The following OPCML variants were observed in gnomAD, a reference collection of about 807,000 sequenced individuals.
The protein encoded by OPCML is opioid binding protein/cell adhesion molecule like, also known as opioid-binding protein/cell adhesion molecule.
OPCML carries 13 observed loss-of-function variants against 37.8 expected under a neutral mutation model. That is an observed-to-expected ratio of 0.34 (90% confidence interval 0.22 to 0.55). OPCML has a LOEUF of 0.55. OPCML is among the 20% of genes least tolerant of loss of function. OPCML has a pLI of 0.91. For synonymous variants in OPCML, 176 were observed against 168.8 expected (o/e 1.04, Z -0.33); for missense variants, 341 against 435.6 (o/e 0.78, Z 1.93).
chr11:133,199,406 T>C (rs186619361), intron 1 of OPCML, among the ~76,000 whole-genome samples: 4 of 152,332 alleles, frequency 2.6e-5, no homozygotes, highest in African/African-American at 9.6e-5. Context: ...TTTTTTCTTG[T>C]GATAAGATTC....
At position 132,819,895 on chromosome 11, in the gene OPCML, C is replaced by T. The variant is rs147576335; in HGVS notation, c.146+123031G>A. ...TGTGCTGTTTGTGATGCTCTAGAGT[C>T]AGAATGCGGCAGGGCTTCCTTTAAT... On this transcript the variant is annotated intron_variant, in intron 2 of 7. Transcript: ENST00000524381. 9.3e-3 allele frequency among the ~76,000 whole-genome samples: 1,417 copies of T among 152,278 alleles called. 9 individuals are homozygous for T. Among genetic ancestry groups the T allele is most frequent in the Middle Eastern group, 0.02 (6 of 294 alleles).
At chr11:132,898,048 A>G (rs1030584159) in intron 2 of OPCML, among the ~76,000 whole-genome samples, 2 of 152,166 alleles carry the variant, frequency 1.3e-5, no homozygotes, top group Non-Finnish European at 2.9e-5. Context: ...CTCAGGAACA[A>G]AGTGGCTATG....
At chr11:133,252,853 A>G (rs901274234) in intron 1 of OPCML, among the ~76,000 whole-genome samples, 1 of 152,182 alleles carries the variant, frequency 6.6e-6, no homozygotes, top group Non-Finnish European at 1.5e-5. Flanking sequence ...CTACTATAGA[A>G]ATAGTCTTCT....
chr11:133,381,642 G>A (rs1174495407), intron 1 of OPCML, among the ~76,000 whole-genome samples: 1 of 152,154 alleles, frequency 6.6e-6, no homozygotes, highest in Non-Finnish European at 1.5e-5. Context: ...AGGGGATTGG[G>A]GGTCTGATGT....
intron 1 of OPCML, among the ~76,000 whole-genome samples, chr11:133,446,253 T>C (rs1946472074): frequency 6.6e-6 from 1 of 152,156 alleles, no homozygotes; most frequent in South Asian, 2.1e-4. Context: ...TTAGTTGAAA[T>C]AGCAATGGAT....
chr11:133,495,061 A>G (rs1947752010), intron 1 of OPCML, among the ~76,000 whole-genome samples: 1 of 151,640 alleles, frequency 6.6e-6, no homozygotes, highest in Non-Finnish European at 1.5e-5. Context: ...GCCCCCTGCC[A>G]CTCTTTCCCC....
chr11:133,212,764 C>T lies in OPCML; in HGVS notation c.62-269754G>A, dbSNP rs533348441. 1.3e-5 allele frequency among the ~76,000 whole-genome samples: 2 copies of T among 152,152 alleles called. No homozygotes were observed. Among genetic ancestry groups the T allele is most frequent in the African/African-American group, 4.8e-5 (2 of 41,418 alleles). On this transcript the variant is annotated intron_variant, in intron 1 of 7. Coordinates refer to ENST00000524381, the MANE Select transcript of OPCML (RefSeq NM_001012393.5). This position sits in a 1 kb window ranked among gnomAD's most constrained non-coding sequence, Gnocchi z 4.9. ...TGTTTGAATGAATGAAGGGATTTCC[C>T]AGCAGCTTTCAGACCCCTTGGGACC... is the stretch of plus-strand genomic sequence containing the variant.
rs547295037 is a variant in OPCML at position 133,022,590 on chromosome 11, C to T, written c.62-79580G>A. Among the ~76,000 whole-genome samples, 72 of 151,908 alleles carry T rather than the reference C, an allele frequency of 4.7e-4. 1 individual carries two copies. The South Asian group carries it at 0.014, about 29-fold the overall frequency. On this transcript the variant is annotated intron_variant, in intron 1 of 7. Coordinates refer to ENST00000524381, the MANE Select transcript of OPCML (RefSeq NM_001012393.5). ...GTCTGCACATATGTACTCATTCCAA[C>T]GCATTTTTTAATATCTGTAATGTGC...
chr11:133,473,911 T>A (rs1416291966), intron 1 of OPCML, among the ~76,000 whole-genome samples: 1 of 152,246 alleles, frequency 6.6e-6, no homozygotes, highest in African/African-American at 2.4e-5. Flanking sequence ...CATAATATTT[T>A]ACAGAGTAAC....
intron 1 of OPCML, among the ~76,000 whole-genome samples, chr11:133,438,012 A>G (rs1313825446): frequency 6.6e-6 from 1 of 152,212 alleles, no homozygotes; most frequent in Admixed American, 6.5e-5. Context: ...AATAAAAAAC[A>G]AAACCAAGTA....
chr11:132,953,309 G>A (rs1945903297), intron 1 of OPCML, among the ~76,000 whole-genome samples: 1 of 152,146 alleles, frequency 6.6e-6, no homozygotes, highest in Non-Finnish European at 1.5e-5. Context: ...CAGAAACTCC[G>A]TGAAGCTGTC....
intron 3 of OPCML, among the ~76,000 whole-genome samples, chr11:132,622,328 G>T (rs1388072025): frequency 6.6e-6 from 1 of 152,042 alleles, no homozygotes; most frequent in Non-Finnish European, 1.5e-5. Flanking sequence ...AAGAAAGGGG[G>T]CCTCTTACAA....
At chr11:133,482,707 T>C (rs1027666236) in intron 1 of OPCML, among the ~76,000 whole-genome samples, 1 of 152,190 alleles carries the variant, frequency 6.6e-6, no homozygotes, top group African/African-American at 2.4e-5. Context: ...ATTGATGTTA[T>C]GAAAACTAGC....
At chr11:133,429,259 T>C (rs1483300745) in intron 1 of OPCML, among the ~76,000 whole-genome samples, 1 of 152,194 alleles carries the variant, frequency 6.6e-6, no homozygotes, top group Non-Finnish European at 1.5e-5. Context: ...GGAACCAGTC[T>C]GACGTGTTCA....
At chr11:132,506,931 A>T (rs189931294) in intron 4 of OPCML, among the ~76,000 whole-genome samples, 236 of 151,902 alleles carry the variant, frequency 1.6e-3, no homozygotes, top group Middle Eastern at 3.4e-3. Context: ...CAGTTGGATT[A>T]AAAAAAAGAT....
intron 1 of OPCML, among the ~76,000 whole-genome samples, chr11:133,222,930 C>T (rs1468903694): frequency 2.0e-5 from 3 of 152,062 alleles, no homozygotes; most frequent in Non-Finnish European, 2.9e-5. Context: ...ACCCGATTAG[C>T]CCTCCCCAGG....
At chr11:132,999,669 A>G (rs1946958995) in intron 1 of OPCML, among the ~76,000 whole-genome samples, 1 of 152,140 alleles carries the variant, frequency 6.6e-6, no homozygotes, top group Non-Finnish European at 1.5e-5. Context: ...CCTGTGTGGT[A>G]CAGCCAGAGG....
chr11:132,724,933 G>A (rs1396504581), intron 2 of OPCML, among the ~76,000 whole-genome samples: 1 of 152,168 alleles, frequency 6.6e-6, no homozygotes, highest in African/African-American at 2.4e-5. Flanking sequence ...CATATCTTGG[G>A]CAACTCCGTG....
At chr11:133,019,376 C>A (rs1321067336) in intron 1 of OPCML, among the ~76,000 whole-genome samples, 2 of 152,176 alleles carry the variant, frequency 1.3e-5, no homozygotes, top group Admixed American at 6.5e-5. Context: ...ACCTCTGAAC[C>A]AGTCCCCTCC....
Sources: gnomAD v4.1 joint callset for allele counts (sites outside exome capture counted in the v4.1 genomes callset) on GRCh38, gnomAD v4.1.1 for gene constraint, Gnocchi (gnomAD v3.1) non-coding constraint, MANE v1.5 for transcripts, NCBI Gene and HGNC (gene_info 2026-07-23, HGNC 2026-07-21) for gene names.